Variants in TLCD3A observed in about 807,000 individuals in gnomAD.
The protein encoded by TLCD3A is TLC domain containing 3A.
In TLCD3A, 17 loss-of-function variants were observed where a neutral mutation model predicts 29.9. The observed-to-expected ratio is 0.57, with a 90% confidence interval of 0.39 to 0.85. The LOEUF (loss-of-function observed/expected upper bound fraction) is 0.85, where lower values mean the gene tolerates loss of function less well. Among genes scored for constraint, TLCD3A ranks in the 40% least tolerant of loss-of-function variants. The probability of loss-of-function intolerance (pLI) is 0.00; values close to 1 mark genes in which losing one functional copy is unlikely to be tolerated. For missense variants in TLCD3A, 332 were observed against 350.8 expected (o/e 0.95, Z 0.43); for synonymous variants, 143 against 147.7 (o/e 0.97, Z 0.23).
In TLCD3A at chr17:736,258, C is replaced by T. The variant is rs1974152628; in HGVS notation, c.207-1588C>T. On this transcript the variant is annotated intron_variant, in intron 2 of 4. Transcript: ENST00000308278. Reference sequence around the variant, plus strand: ...TTTAGAATCTCTGGGGACTGGAGCGCTTAACAAGCACTGCAGGTGATTCTG... The same window carrying T: ...TTTAGAATCTCTGGGGACTGGAGCGTTTAACAAGCACTGCAGGTGATTCTG... 2.6e-5 allele frequency among the ~76,000 whole-genome samples: 4 copies of T among 152,158 alleles called. No individual in the cohort carries two copies. The South Asian group carries it at 8.3e-4, about 32-fold the overall frequency.
At chr17:733,581 C>A (rs950471115) in intron 2 of TLCD3A, among the ~76,000 whole-genome samples, 1 of 152,180 alleles carries the variant, frequency 6.6e-6, no homozygotes, top group African/African-American at 2.4e-5. Context: ...CCCACCACCC[C>A]CTTCCACGCA....
rs1267448328 is a variant in TLCD3A at position 742,845 on chromosome 17, T to A, written c.*1275T>A. 6.6e-6 allele frequency: 1 copy of A among 152,626 alleles called. No individual in the cohort carries two copies. The highest frequency in any genetic ancestry group is 2.4e-5 in the African/African-American group (1 of 41,468). The allele number at this position is 152,626 out of a possible 1,614,324, so 9.5% of individuals were successfully genotyped here. A position where few individuals can be genotyped will look rare whatever the true frequency, so the allele number is the denominator to read the frequency against. ...GGACTGATTTGTCTCATTTTGACTG[T>A]TGAGTCTTTAATGGGTGCCATTTAA... On this transcript the variant is annotated 3_prime_UTR_variant, in exon 5 of 5. Transcript: ENST00000308278.
At chr17:735,731 G>A (rs543257408) in intron 2 of TLCD3A, among the ~76,000 whole-genome samples, 90 of 152,004 alleles carry the variant, frequency 5.9e-4, no homozygotes, top group African/African-American at 2.0e-3. Flanking sequence ...TTGGGAGGCC[G>A]AGGTGGGCGG....
intron 1 of TLCD3A, 29 bp downstream of exon 1, chr17:732,798 G>A (rs1228017945): frequency 7.0e-7 from 1 of 1,434,054 alleles, no homozygotes; most frequent in Admixed American, 2.6e-5. Flanking sequence ...CGCCCCCCGA[G>A]GCCCGGGGCG....
At chr17:740,027 C>T (rs1163787246) in intron 3 of TLCD3A, among the ~76,000 whole-genome samples, 2 of 152,046 alleles carry the variant, frequency 1.3e-5, no homozygotes, top group Non-Finnish European at 2.9e-5. Context: ...GCCTGGGCAA[C>T]AAGAACAAAA....
At position 741,553 on chromosome 17, in the gene TLCD3A, G is replaced by A. The variant is rs933152320; in HGVS notation, c.757G>A (p.Ala253Thr). 1.2e-6 allele frequency: 2 copies of A among 1,613,178 alleles called. No homozygotes were observed. The highest frequency in any genetic ancestry group is 2.2e-5 in the East Asian group (1 of 44,906). The change falls in exon 5 of 5, where the codon GCC becomes ACC. Residue 253 changes from alanine (A) to threonine (T), a missense_variant. Coordinates refer to ENST00000308278, the MANE Select transcript of TLCD3A (RefSeq NM_024792.3). ...AGTCCGGCTCTTTGACACTCCCCAA[G>A]CCAAAAAGGATGGCTAAATGCTCCT... ...KAVRLFDTPQ[A>T]KKDG
In TLCD3A at chr17:741,677, C is replaced by G; in HGVS notation, c.*107C>G. 1 of 1,333,848 alleles carries G rather than the reference C, an allele frequency of 7.5e-7. No individual in the cohort carries two copies. The highest frequency in any genetic ancestry group is 1.0e-6 in the Non-Finnish European group (1 of 984,936). The allele number at this position is 1,333,848 out of a possible 1,614,324, so 82.6% of individuals were successfully genotyped here. Reference sequence around the variant, plus strand: ...GCCTCAGACTTTGGGTATTGATAAGCCGATGGATTTGAGTTTTTCTAAAGA... The same window carrying G: ...GCCTCAGACTTTGGGTATTGATAAGGCGATGGATTTGAGTTTTTCTAAAGA... On this transcript the variant is annotated 3_prime_UTR_variant, in exon 5 of 5. Coordinates refer to ENST00000308278, the MANE Select transcript of TLCD3A (RefSeq NM_024792.3).
At chr17:733,572 C>T (rs1013264034) in intron 2 of TLCD3A, among the ~76,000 whole-genome samples, 1 of 152,120 alleles carries the variant, frequency 6.6e-6, no homozygotes, top group Non-Finnish European at 1.5e-5. Context: ...AGGAACCAAC[C>T]CACCACCCCC....
In TLCD3A at chr17:732,872, G is replaced by A. The variant is rs1367434274; in HGVS notation, c.122+103G>A. ...GGAAAAGGGGGGCGGCAGGAAGCCC[G>A]GGGGCTGCTCCCTCCGCGTCCCGGC... On this transcript the variant is annotated intron_variant, in intron 1 of 4. Coordinates refer to ENST00000308278, the MANE Select transcript of TLCD3A (RefSeq NM_024792.3). The A allele has an allele frequency of 1.0e-5, 14 of 1,368,882 alleles. No individual in the cohort carries two copies. The East Asian group carries it at 3.7e-4, about 36-fold the overall frequency. 84.8% of individuals were successfully genotyped at this position (1,368,882 alleles called of 1,614,324 possible).
In TLCD3A at chr17:738,039, G is replaced by T. The variant is rs1974186991; in HGVS notation, c.400G>T (p.Val134Phe). 2.5e-6 allele frequency: 4 copies of T among 1,580,244 alleles called. No homozygotes were observed. Among genetic ancestry groups the T allele is most frequent in the Admixed American group, 1.7e-5 (1 of 58,834 alleles). The stretch of plus-strand genomic sequence containing the variant: ...GGTCATTCTCTTTGTCCTTGTGCCA[G>T]TCGCACAGGTATGGCCTTCCAGGAC... The part of the protein sequence containing the change: ...HAVILFVLVP[V>F]AQRLRGDLGD... Residue 134 changes from valine (V) to phenylalanine (F), a missense_variant, in exon 3 of 5, where the codon GTC becomes TTC. Transcript: ENST00000308278.
chr17:734,211 G>A (rs1246741288), intron 2 of TLCD3A, among the ~76,000 whole-genome samples: 1 of 151,236 alleles, frequency 6.6e-6, no homozygotes, highest in African/African-American at 2.4e-5. Flanking sequence ...TAAAGACAGG[G>A]TCTCACTATG....
intron 1 of TLCD3A, 66 bp downstream of exon 1, chr17:732,835 G>A (rs1974091109): frequency 1.5e-6 from 2 of 1,378,792 alleles, no homozygotes; most frequent in Non-Finnish European, 1.9e-6. Flanking sequence ...ACCCGGCCGC[G>A]GGGCCCAGGG....
intron 3 of TLCD3A, 122 bp from the exon 4 acceptor site, chr17:740,383 G>A (rs536191851): frequency 8.0e-6 from 6 of 751,938 alleles, no homozygotes; most frequent in South Asian, 1.4e-5. Context: ...AGTAGTCTGC[G>A]CTTGCCTATT....
rs1248914708 is a variant in TLCD3A at position 741,352 on chromosome 17, G to C, written c.556G>C (p.Ala186Pro). The C allele has an allele frequency of 3.7e-6, 6 of 1,614,038 alleles. No individual in the cohort carries two copies. Among genetic ancestry groups the C allele is most frequent in the African/African-American group, 1.3e-5 (1 of 74,918 alleles). The change falls in exon 5 of 5, where the codon GCC (alanine) becomes CCC (proline). Residue 186 changes from alanine to proline, a missense_variant. By Grantham distance (27) the Ala-to-Pro change is conservative. Coordinates refer to ENST00000308278, the MANE Select transcript of TLCD3A (RefSeq NM_024792.3). ...LYKVNGILTL[A>P]TFLSCRILLF... Reference sequence around the variant, plus strand: ...CAAGGTGAATGGAATCCTCACGCTGGCCACCTTCCTTTCCTGCCGGATCCT... The same window carrying C: ...CAAGGTGAATGGAATCCTCACGCTGCCCACCTTCCTTTCCTGCCGGATCCT...
rs1264993779 is a variant in TLCD3A, at chr17:742,826, AT to A, written c.*1259del. Reference sequence around the variant, plus strand: ...TTGTCTGTGAACGTCTAAAGGACTGATTTGTCTCATTTTGACTGTTGAGTCT... The same window carrying A: ...TTGTCTGTGAACGTCTAAAGGACTGATTGTCTCATTTTGACTGTTGAGTCT... On this transcript the variant is annotated 3_prime_UTR_variant, in exon 5 of 5. Coordinates refer to ENST00000308278, the MANE Select transcript of TLCD3A (RefSeq NM_024792.3). 6.6e-6 allele frequency: 1 copy of A among 152,486 alleles called. No individual in the cohort carries two copies. Among genetic ancestry groups the A allele is most frequent in the Admixed American group, 6.5e-5 (1 of 15,268 alleles). The allele number at this position is 152,486 out of a possible 1,614,324, so 9.4% of individuals were successfully genotyped here. A position where few individuals can be genotyped will look rare whatever the true frequency, so the allele number is the denominator to read the frequency against.
Position 742,555 on chromosome 17 carries a change from G to C in TLCD3A, c.*985G>C, listed in dbSNP as rs1974274674. ...TTTGCCTCCCGATATGCCAGAGCTT[G>C]TGGTCCAAAGCCCATTCCTGTGTGT... On this transcript the variant is annotated 3_prime_UTR_variant, in exon 5 of 5. Transcript: ENST00000308278. 1 of 152,278 alleles carries C rather than the reference G, an allele frequency of 6.6e-6. No individual in the cohort carries two copies. Among genetic ancestry groups the C allele is most frequent in the Non-Finnish European group, 1.5e-5 (1 of 68,058 alleles). 9.4% of individuals were successfully genotyped at this position (152,278 alleles called of 1,614,324 possible). A position where few individuals can be genotyped will look rare whatever the true frequency, so the allele number is the denominator to read the frequency against.
chr17:737,157 G>A (rs1178788698), intron 2 of TLCD3A, among the ~76,000 whole-genome samples: 1 of 152,104 alleles, frequency 6.6e-6, no homozygotes, highest in Admixed American at 6.6e-5. Flanking sequence ...GACTACAGGT[G>A]TGCGCCACCA....
At chr17:733,063 C>T in intron 1 of TLCD3A, 35 bp from the exon 2 acceptor site, 1 of 1,536,728 alleles carries the variant, frequency 6.5e-7, no homozygotes, top group Non-Finnish European at 8.8e-7. Flanking sequence ...TCGGACCGGA[C>T]TGAGCGCGCG....
At chr17:732,921 C>T in intron 1 of TLCD3A, 152 bp downstream of exon 1, 2 of 1,363,098 alleles carry the variant, frequency 1.5e-6, no homozygotes, top group Non-Finnish European at 1.9e-6. Context: ...GAAGCCCCTC[C>T]GCGTCCTCCC....
Sources: gnomAD v4.1 joint callset for allele counts (sites outside exome capture counted in the v4.1 genomes callset) on GRCh38, gnomAD v4.1.1 for gene constraint, MANE v1.5 for transcripts, NCBI Gene and HGNC (gene_info 2026-07-23, HGNC 2026-07-21) for gene names.